The following ASB3 variants were observed in gnomAD, a reference collection of about 807,000 sequenced individuals.
ASB3 encodes the protein ankyrin repeat and SOCS box protein 3.
A neutral mutation model predicts 54.5 loss-of-function variants in ASB3; 41 were observed. The observed-to-expected ratio is 0.75, with a 90% CI of 0.59 to 0.98. The LOEUF is 0.98. ASB3 is among the 50% of genes least tolerant of loss of function. The probability of loss-of-function intolerance (pLI) is 0.00; values close to 1 mark genes in which losing one functional copy is unlikely to be tolerated. For synonymous variants in ASB3, 266 were observed against 221.2 expected, an observed-to-expected ratio of 1.20 and a Z score of -1.80; for missense variants, 733 against 620.0, an observed-to-expected ratio of 1.18 and a Z score of -1.94.
At chr2:53,785,600 T>C (rs969432753) in intron 1 of ASB3, among the ~76,000 whole-genome samples, 1 of 152,202 alleles carries the variant, frequency 6.6e-6, no homozygotes, top group African/African-American at 2.4e-5. Flanking sequence ...CCCAGCACTT[T>C]GGAAGGCCGA....
Position 53,765,496 on chromosome 2 carries a change from A to T in ASB3, c.77T>A (p.Leu26Ter). The change falls in exon 2 of 10, where the codon TTA becomes TAA. Residue 26 changes from leucine to a stop codon, truncating the protein, a stop_gained. Coordinates refer to ENST00000263634, the MANE Select transcript of ASB3 (RefSeq NM_016115.5). LOFTEE classifies it high-confidence loss of function. Reference sequence around the variant, plus strand: ...TCGGCCCTTTTTGAGCAGTTTCCTTAAGACTTTAACATTGCCTTCCCTGGC... The same window carrying T: ...TCGGCCCTTTTTGAGCAGTTTCCTTTAGACTTTAACATTGCCTTCCCTGGC... ...LAAREGNVKV[L>*]RKLLKKGRSV... 6.2e-7 allele frequency: 1 copy of T among 1,614,218 alleles called. No individual in the cohort carries two copies.
intron 2 of ASB3, among the ~76,000 whole-genome samples, chr2:53,758,482 TG>T (rs1204493608): frequency 1.3e-5 from 2 of 152,218 alleles, no homozygotes; most frequent in African/African-American, 2.4e-5. Context: ...CTGTTGTTTA[TG>T]GGAACGCATC....
At chr2:53,766,047 G>T (rs1223347204) in intron 1 of ASB3, among the ~76,000 whole-genome samples, 1 of 152,060 alleles carries the variant, frequency 6.6e-6, no homozygotes, top group African/African-American at 2.4e-5. Flanking sequence ...CCCTCTATAG[G>T]AAACAACTAA....
chr2:53,676,837 T>A (rs1360871713), intron 9 of ASB3, among the ~76,000 whole-genome samples: 2 of 152,242 alleles, frequency 1.3e-5, no homozygotes, highest in East Asian at 3.9e-4. Context: ...TGGCACGATC[T>A]CAGCTCACTG....
At chr2:53,679,874 T>A (rs1244954828) in intron 9 of ASB3, among the ~76,000 whole-genome samples, 1 of 152,138 alleles carries the variant, frequency 6.6e-6, no homozygotes, top group East Asian at 1.9e-4. Flanking sequence ...CATTCGTTAT[T>A]TTTTCCTGGT....
chr2:53,673,529 T>C (rs760110994), intron 9 of ASB3, among the ~76,000 whole-genome samples: 2 of 152,228 alleles, frequency 1.3e-5, no homozygotes, highest in Non-Finnish European at 2.9e-5. Context: ...ATGCTAATTA[T>C]GTGTAGAAGC....
At chr2:53,708,699 G>A (rs1294819882) in intron 7 of ASB3, among the ~76,000 whole-genome samples, 1 of 152,206 alleles carries the variant, frequency 6.6e-6, no homozygotes, top group African/African-American at 2.4e-5. Context: ...TGGAAAAGCA[G>A]AACTTACTGG....
chr2:53,784,599 A>G (rs1456180278), intron 1 of ASB3, among the ~76,000 whole-genome samples: 1 of 152,178 alleles, frequency 6.6e-6, no homozygotes, highest in Non-Finnish European at 1.5e-5. Flanking sequence ...TGTGGTGATT[A>G]CTGGCAATCT....
intron 3 of ASB3, among the ~76,000 whole-genome samples, chr2:53,739,096 C>G (rs1671796298): frequency 6.6e-6 from 1 of 152,200 alleles, no homozygotes; most frequent in Non-Finnish European, 1.5e-5. Flanking sequence ...AGAACATATC[C>G]TGCAATAATT....
At chr2:53,782,789 T>C (rs1674722036) in intron 1 of ASB3, among the ~76,000 whole-genome samples, 1 of 152,102 alleles carries the variant, frequency 6.6e-6, no homozygotes, top group South Asian at 2.1e-4. Context: ...AAGAGCTCAA[T>C]AATTTTTTTT....
intron 1 of ASB3, among the ~76,000 whole-genome samples, chr2:53,784,880 AC>A (rs1674851381): frequency 6.6e-6 from 1 of 151,946 alleles, no homozygotes; most frequent in Non-Finnish European, 1.5e-5. Flanking sequence ...AACCCACAAC[AC>A]CCCCTACAAT....
At chr2:53,727,059 A>C (rs952174875) in intron 5 of ASB3, among the ~76,000 whole-genome samples, 1 of 152,226 alleles carries the variant, frequency 6.6e-6, no homozygotes. Flanking sequence ...TAGTAGAAGG[A>C]AGATCAGAAG....
intron 9 of ASB3, among the ~76,000 whole-genome samples, chr2:53,684,852 G>C (rs1668552765): frequency 1.3e-5 from 2 of 152,342 alleles, no homozygotes; most frequent in South Asian, 4.1e-4. Context: ...GAAATGGTTA[G>C]AAGAGTGTCA....
intron 7 of ASB3, among the ~76,000 whole-genome samples, chr2:53,708,091 G>A (rs1489888576): frequency 6.6e-6 from 1 of 152,112 alleles, no homozygotes; most frequent in African/African-American, 2.4e-5. Context: ...ATGATGAATT[G>A]TAATCCCCAG....
rs1298442053 is a variant in ASB3, at chr2:53,741,824, A to G, written c.355+8959T>C. ...CATCAGCAAGAAAAATAAAATAAAA[A>G]CACACTCTCCATTTTTAGTAAAACT... On this transcript the variant is annotated intron_variant, in intron 3 of 9. Coordinates refer to ENST00000263634, the MANE Select transcript of ASB3 (RefSeq NM_016115.5). Among the ~76,000 whole-genome samples, 5 of 152,172 alleles carry G rather than the reference A, an allele frequency of 3.3e-5. No homozygotes were observed. The South Asian group carries it at 6.2e-4, about 19-fold the overall frequency.
At chr2:53,764,189 A>G (rs966029850) in intron 2 of ASB3, among the ~76,000 whole-genome samples, 1 of 152,230 alleles carries the variant, frequency 6.6e-6, no homozygotes, top group Non-Finnish European at 1.5e-5. Flanking sequence ...GATGACAAGT[A>G]TGCAGGAAAG....
intron 2 of ASB3, among the ~76,000 whole-genome samples, chr2:53,755,832 A>G (rs944542192): frequency 4.6e-5 from 7 of 152,194 alleles, no homozygotes; most frequent in African/African-American, 1.7e-4. Flanking sequence ...AAGGATTAAT[A>G]TCCAGAATAC....
At chr2:53,780,638 C>A (rs1674593188) in intron 1 of ASB3, among the ~76,000 whole-genome samples, 1 of 152,032 alleles carries the variant, frequency 6.6e-6, no homozygotes, top group Non-Finnish European at 1.5e-5. Flanking sequence ...ATTAGCTGGG[C>A]ATAGTGGCAC....
chr2:53,699,284 C>A (rs1321838676), intron 8 of ASB3, among the ~76,000 whole-genome samples: 1 of 152,204 alleles, frequency 6.6e-6, no homozygotes, highest in Non-Finnish European at 1.5e-5. Context: ...ATATCATCAA[C>A]AAATGAATTT....
Sources: allele counts gnomAD v4.1 joint callset (sites outside exome capture counted in the v4.1 genomes callset), GRCh38; gene constraint gnomAD v4.1.1; transcripts MANE v1.5; gene names NCBI Gene and HGNC (gene_info 2026-07-23, HGNC 2026-07-21).